Variants in SLC1A3 observed in about 807,000 individuals in gnomAD.
SLC1A3 encodes solute carrier family 1 member 3.
A neutral mutation model predicts 48.1 loss-of-function variants in SLC1A3; 21 were observed. That is an observed-to-expected ratio of 0.44 (90% confidence interval 0.31 to 0.63). The LOEUF is 0.63. Among genes scored for constraint, SLC1A3 ranks in the 20% least tolerant of loss-of-function variants. The pLI is 0.08. For missense variants in SLC1A3, 546 were observed against 689.0 expected, an observed-to-expected ratio of 0.79 and a Z score of 2.32; for synonymous variants, 239 against 251.4, an observed-to-expected ratio of 0.95 and a Z score of 0.47.
At position 36,686,265 on chromosome 5, in the gene SLC1A3, T is replaced by C. The variant is rs1414663352; in HGVS notation, c.1625T>C (p.Met542Thr). The C allele has an allele frequency of 1.9e-6, 3 of 1,609,736 alleles. No individual in the cohort carries two copies. The highest frequency in any genetic ancestry group is 3.3e-5 in the Admixed American group (2 of 60,024). ...TEKPIDSETKM is the reference protein window; with the variant it reads ...TEKPIDSETKT ...AAACCCATCGACAGTGAAACCAAGA[T>C]GTAGACTAACATAAAGAAACACTTT... The change falls in exon 10 of 10, where the codon ATG becomes ACG. Residue 542 changes from methionine to threonine, a missense_variant. Met to Thr is a moderately conservative substitution (Grantham distance 81). Around this residue, in one of 3 missense-constraint regions of SLC1A3, gnomAD observed 56 missense variants for 59.0 expected, o/e 0.95. Coordinates refer to ENST00000265113, the MANE Select transcript of SLC1A3 (RefSeq NM_004172.5).
chr5:36,661,938 G>T (rs796308447), intron 3 of SLC1A3, among the ~76,000 whole-genome samples: 1 of 152,136 alleles, frequency 6.6e-6, no homozygotes, highest in Admixed American at 6.5e-5. Context: ...GTGCTATCTC[G>T]ATCATCTTCC....
chr5:36,681,479 G>A (rs1161703250), intron 8 of SLC1A3, among the ~76,000 whole-genome samples: 1 of 152,184 alleles, frequency 6.6e-6, no homozygotes, highest in African/African-American at 2.4e-5. Flanking sequence ...GACAGTGTAA[G>A]ATAGATGACA....
intron 2 of SLC1A3, chr5:36,613,003 T>C (rs77739444): frequency 0.013 from 4,566 of 354,996 alleles, 126 homozygotes; most frequent in African/African-American, 0.061. Context: ...TGCAGACCAA[T>C]GGCCCGCTTT....
At chr5:36,638,725 T>G (rs1348555327) in intron 3 of SLC1A3, 1 of 152,482 alleles carries the variant, frequency 6.6e-6, no homozygotes, top group Non-Finnish European at 1.5e-5. Context: ...TGGAGTGCAG[T>G]GACGCGACCT....
At chr5:36,635,165 G>T (rs578239926) in intron 3 of SLC1A3, among the ~76,000 whole-genome samples, 2 of 147,922 alleles carry the variant, frequency 1.4e-5, no homozygotes, top group Non-Finnish European at 3.0e-5. Context: ...CTACCCGTAC[G>T]TTGTATTGAA....
chr5:36,665,767 CAGG>C (rs1741715950), intron 3 of SLC1A3, among the ~76,000 whole-genome samples: 1 of 152,120 alleles, frequency 6.6e-6, no homozygotes, highest in African/African-American at 2.4e-5. Flanking sequence ...AAGTAGAATC[CAGG>C]TATTCTAACG....
chr5:36,613,768 G>T (rs1330686834), intron 2 of SLC1A3, among the ~76,000 whole-genome samples: 2 of 152,170 alleles, frequency 1.3e-5, no homozygotes, highest in Non-Finnish European at 2.9e-5. Flanking sequence ...CTCAGCAGAG[G>T]CTGGGAGAGG....
intron 2 of SLC1A3, among the ~76,000 whole-genome samples, chr5:36,611,906 A>T (rs993276371): frequency 6.6e-6 from 1 of 152,216 alleles, no homozygotes; most frequent in African/African-American, 2.4e-5. Flanking sequence ...ATAAAAATGA[A>T]ATCTCAGGCC....
intron 8 of SLC1A3, among the ~76,000 whole-genome samples, chr5:36,681,023 T>C (rs1344084915): frequency 6.6e-6 from 1 of 152,156 alleles, no homozygotes; most frequent in Non-Finnish European, 1.5e-5. Context: ...ATTCTATATT[T>C]AGGTATTTTA....
At chr5:36,681,629 C>T (rs1005782234) in intron 8 of SLC1A3, among the ~76,000 whole-genome samples, 2 of 152,170 alleles carry the variant, frequency 1.3e-5, no homozygotes, top group African/African-American at 4.8e-5. Context: ...CAGAGGCAAC[C>T]AGTGTTACCT....
intron 1 of SLC1A3, among the ~76,000 whole-genome samples, chr5:36,600,172 T>C (rs996655232): frequency 2.0e-5 from 3 of 152,098 alleles, no homozygotes; most frequent in Admixed American, 1.3e-4. Flanking sequence ...ATGCTGGTGG[T>C]TGGGGTTAGG....
chr5:36,667,166 G>A (rs926589641), intron 3 of SLC1A3, among the ~76,000 whole-genome samples: 11 of 152,090 alleles, frequency 7.2e-5, no homozygotes, highest in South Asian at 2.1e-4. Context: ...AAATATCCAC[G>A]GCTCTCCACC....
chr5:36,654,719 GGCT>G (rs1246274697), intron 3 of SLC1A3, among the ~76,000 whole-genome samples: 1 of 152,142 alleles, frequency 6.6e-6, no homozygotes, highest in African/African-American at 2.4e-5. Context: ...CGTCATGCAG[GGCT>G]GCTATTGTCT....
intron 4 of SLC1A3, among the ~76,000 whole-genome samples, chr5:36,671,941 C>T (rs930569878): frequency 6.6e-6 from 1 of 152,220 alleles, no homozygotes; most frequent in African/African-American, 2.4e-5. Context: ...CCCCTACACA[C>T]CTGCCCTTGC....
chr5:36,663,988 C>T (rs767644647), intron 3 of SLC1A3, among the ~76,000 whole-genome samples: 3 of 152,090 alleles, frequency 2.0e-5, no homozygotes, highest in Non-Finnish European at 4.4e-5. Flanking sequence ...GTGAAATGAC[C>T]CAATACCCAA....
intron 2 of SLC1A3, 193 bp downstream of exon 2, chr5:36,608,797 C>T: frequency 7.3e-7 from 1 of 1,366,002 alleles, no homozygotes; most frequent in Non-Finnish European, 9.4e-7. Context: ...GTAAACACAT[C>T]ATTAGGCATC....
upstream of SLC1A3, chr5:36,606,526 T>C (rs1484573619): frequency 6.6e-6 from 1 of 152,296 alleles, no homozygotes; most frequent in Non-Finnish European, 1.5e-5. Context: ...CCCTGTGCGG[T>C]TTCCATTCCC....
At chr5:36,649,467 A>G (rs1740972380) in intron 3 of SLC1A3, 1 of 152,160 alleles carries the variant, frequency 6.6e-6, no homozygotes, top group South Asian at 2.1e-4. Flanking sequence ...ACACAATCCT[A>G]TGTTCTGTTG....
intron 3 of SLC1A3, among the ~76,000 whole-genome samples, chr5:36,646,342 TGC>T (rs1740839503): frequency 1.3e-5 from 2 of 152,256 alleles, no homozygotes; most frequent in African/African-American, 4.8e-5. Flanking sequence ...CTGTGTGTTT[TGC>T]TTTTTCAGAT....
Sources: allele counts gnomAD v4.1 joint callset (sites outside exome capture counted in the v4.1 genomes callset), GRCh38; gene constraint gnomAD v4.1.1; regional missense constraint gnomAD v4.1.1; transcripts MANE v1.5; gene names NCBI Gene and HGNC (gene_info 2026-07-23, HGNC 2026-07-21).